Variants in CLIP1 observed in about 807,000 individuals in gnomAD.
CLIP1 encodes the protein CAP-Gly domain containing linker protein 1.
In CLIP1, 66 loss-of-function variants were observed where a neutral mutation model predicts 161.6. The ratio of observed to expected loss-of-function variants is 0.41; its 90% confidence interval spans 0.33 to 0.50. CLIP1 has a LOEUF of 0.50. CLIP1 is among the 20% of genes least tolerant of loss of function. The pLI, the probability that CLIP1 is intolerant of heterozygous loss-of-function variation, is 0.27. For missense variants in CLIP1, 1,376 were observed against 1,702.0 expected, an observed-to-expected ratio of 0.81 and a Z score of 3.37; for synonymous variants, 598 against 626.2, an observed-to-expected ratio of 0.96 and a Z score of 0.67.
At chr12:122,362,781 G>A (rs1243708933) in intron 4 of CLIP1, among the ~76,000 whole-genome samples, 2 of 144,314 alleles carry the variant, frequency 1.4e-5, no homozygotes, top group East Asian at 2.0e-4. Context: ...AAAACAAAAC[G>A]GCATTGGAGG....
chr12:122,364,118 A>T lies in CLIP1; in HGVS notation c.658-11T>A. The T allele has an allele frequency of 6.2e-7, 1 of 1,613,804 alleles. No individual in the cohort carries two copies. Among genetic ancestry groups the T allele is most frequent in the African/African-American group, 1.3e-5 (1 of 75,060 alleles). On this transcript the variant is annotated splice_polypyrimidine_tract_variant and intron_variant, in intron 3 of 25. Coordinates refer to ENST00000620786, the MANE Select transcript of CLIP1 (RefSeq NM_001247997.2). ...CTTAGTGCCACCAACCTGGAAGAAG[A>T]GAAGGTTAAAATAAAGAGATGAACA...
chr12:122,335,392 T>A (rs1235214148), intron 12 of CLIP1, among the ~76,000 whole-genome samples: 5 of 150,654 alleles, frequency 3.3e-5, no homozygotes, highest in African/African-American at 1.2e-4. Context: ...AGACTCAAGG[T>A]GGCATGTCTT....
chr12:122,293,626 GT>G (rs2136338345), intron 20 of CLIP1, among the ~76,000 whole-genome samples: 1 of 149,156 alleles, frequency 6.7e-6, no homozygotes, highest in Admixed American at 6.8e-5. Flanking sequence ...TTATAGGCAT[GT>G]GCCACCACGC....
At chr12:122,360,831 C>A in intron 5 of CLIP1, 128 bp downstream of exon 5, 1 of 758,870 alleles carries the variant, frequency 1.3e-6, no homozygotes, top group Non-Finnish European at 2.0e-6. Context: ...AAGACTTTCA[C>A]AGCAAAAGCT....
intron 19 of CLIP1, among the ~76,000 whole-genome samples, 168 bp downstream of exon 19, chr12:122,316,581 T>C (rs181759569): frequency 2.9e-4 from 44 of 152,302 alleles, no homozygotes; most frequent in African/African-American, 1.0e-3. Context: ...AACTTAGCTG[T>C]GGCTCTGACC....
intron 3 of CLIP1, among the ~76,000 whole-genome samples, chr12:122,368,926 A>G (rs1954297450): frequency 6.6e-6 from 1 of 152,116 alleles, no homozygotes; most frequent in African/African-American, 2.4e-5. Context: ...AAATAAAATA[A>G]ACATGGTTAG....
At chr12:122,362,265 CTTTT>C (rs1448281460) in intron 4 of CLIP1, among the ~76,000 whole-genome samples, 5 of 150,468 alleles carry the variant, frequency 3.3e-5, no homozygotes, top group African/African-American at 4.9e-5. Flanking sequence ...AAAATATATA[CTTTT>C]TTTAATTAAA....
rs1555253521 is a variant in CLIP1, at chr12:122,276,407, T to TACACACACACACACACACACACAC, written c.3966+1746_3966+1747insGTGTGTGTGTGTGTGTGTGTGTGT. ...CCACACACACACACACACACACACG[T>TACACACACACACACACACACACAC]GTGCACGCAAATTAGGAAACATGAA... is the stretch of plus-strand genomic sequence containing the variant. On this transcript the variant is annotated intron_variant, in intron 24 of 25. Transcript: ENST00000620786. 2.2e-5 allele frequency: 20 copies of TACACACACACACACACACACACAC among 917,902 alleles called. 1 individual carries two copies. In the African/African-American group the frequency reaches 9.2e-4, roughly 42 times the overall value. 56.9% of individuals were successfully genotyped at this position (917,902 alleles called of 1,614,324 possible). A position where few individuals can be genotyped will look rare whatever the true frequency, so the allele number is the denominator to read the frequency against.
intron 17 of CLIP1, among the ~76,000 whole-genome samples, chr12:122,326,334 A>G (rs1951710718): frequency 6.6e-6 from 1 of 151,778 alleles, no homozygotes; most frequent in Admixed American, 6.6e-5. Context: ...CTGCAACCCC[A>G]GCGCCTTGTG....
At chr12:122,372,715 A>G (rs1005391102) in intron 3 of CLIP1, among the ~76,000 whole-genome samples, 3 of 152,204 alleles carry the variant, frequency 2.0e-5, no homozygotes, top group African/African-American at 7.2e-5. Flanking sequence ...TTCAGCCAAA[A>G]GGGGCTTTTA....
At chr12:122,409,595 A>G (rs1956452758) in intron 1 of CLIP1, among the ~76,000 whole-genome samples, 1 of 149,568 alleles carries the variant, frequency 6.7e-6, no homozygotes, top group African/African-American at 2.5e-5. Flanking sequence ...GCAGTGGCTC[A>G]ATCTCAGCTC....
chr12:122,408,136 T>C (rs1956398012), intron 1 of CLIP1, among the ~76,000 whole-genome samples: 1 of 149,618 alleles, frequency 6.7e-6, no homozygotes, highest in South Asian at 2.1e-4. Context: ...CTCAGGAGGC[T>C]GAGGCAGGAC....
intron 1 of CLIP1, among the ~76,000 whole-genome samples, chr12:122,412,280 A>G (rs1490097371): frequency 1.3e-5 from 2 of 150,432 alleles, no homozygotes; most frequent in Admixed American, 6.6e-5. Flanking sequence ...CCCTGAGCTC[A>G]CGGGATCCAT....
Position 122,405,771 on chromosome 12 carries a change from A to G in CLIP1, c.-107+16750T>C, listed in dbSNP as rs938796833. Among the ~76,000 whole-genome samples, 27 of 145,880 alleles carry G rather than the reference A, an allele frequency of 1.9e-4. 1 individual carries two copies. Among genetic ancestry groups the G allele is most frequent in the Non-Finnish European group, 6.0e-5 (4 of 66,580 alleles). ...CCACCACACTATCTCAAAAAAAAAA[A>G]CAAAAAGGAAACAGCAGCCGGGTGT... On this transcript the variant is annotated intron_variant, in intron 1 of 25. Coordinates refer to ENST00000620786, the MANE Select transcript of CLIP1 (RefSeq NM_001247997.2).
chr12:122,364,826 C>A lies in CLIP1; in HGVS notation c.658-719G>T, dbSNP rs143075881. On this transcript the variant is annotated intron_variant, in intron 3 of 25. Transcript: ENST00000620786. Reference sequence around the variant, plus strand: ...AGAGGAGAGGCACCCGATATATGTTCTCTAGGCCTTTTAGAAAAAATGGAG... The same window carrying A: ...AGAGGAGAGGCACCCGATATATGTTATCTAGGCCTTTTAGAAAAAATGGAG... The A allele has an allele frequency of 3.6e-3, 3,731 of 1,038,070 alleles. 25 individuals carry two copies. Among genetic ancestry groups the A allele is most frequent in the South Asian group, 0.012 (945 of 80,624 alleles). The allele number at this position is 1,038,070 out of a possible 1,614,324, so 64.3% of individuals were successfully genotyped here. A position where few individuals can be genotyped will look rare whatever the true frequency, so the allele number is the denominator to read the frequency against.
At chr12:122,303,304 C>T (rs942049345) in intron 20 of CLIP1, among the ~76,000 whole-genome samples, 14 of 152,118 alleles carry the variant, frequency 9.2e-5, no homozygotes, top group African/African-American at 3.4e-4. Flanking sequence ...ATGTTCCGTT[C>T]TTTCTCTTTT....
intron 21 of CLIP1, among the ~76,000 whole-genome samples, chr12:122,287,622 A>G (rs985247990): frequency 6.6e-6 from 1 of 152,180 alleles, no homozygotes; most frequent in African/African-American, 2.4e-5. Flanking sequence ...TTAGAAGAGC[A>G]AAGACTTATC....
intron 3 of CLIP1, among the ~76,000 whole-genome samples, chr12:122,376,283 G>A (rs964529002): frequency 1.3e-5 from 2 of 151,914 alleles, no homozygotes; most frequent in African/African-American, 4.8e-5. Context: ...TGTTGCCCAG[G>A]TTCAAGTGAT....
chr12:122,394,810 A>G (rs1338893688), intron 1 of CLIP1, among the ~76,000 whole-genome samples: 1 of 151,998 alleles, frequency 6.6e-6, no homozygotes, highest in African/African-American at 2.4e-5. Flanking sequence ...CCGAGATTGC[A>G]TCACTGCACT....
Sources: allele counts gnomAD v4.1 joint callset (sites outside exome capture counted in the v4.1 genomes callset), GRCh38; gene constraint gnomAD v4.1.1; transcripts MANE v1.5; gene names NCBI Gene and HGNC (gene_info 2026-07-23, HGNC 2026-07-21).